Variants in AHI1 observed in about 807,000 individuals in gnomAD.
AHI1 encodes jouberin.
AHI1 carries 123 observed loss-of-function variants against 149.3 expected under a neutral mutation model. The ratio of observed to expected loss-of-function variants is 0.82; its 90% CI spans 0.71 to 0.96. The LOEUF is 0.96. Ranked by LOEUF, AHI1 falls within the 40% of genes least tolerant of loss-of-function variation. AHI1 has a pLI of 0.00. For missense variants in AHI1, 1,439 were observed against 1,422.7 expected (o/e 1.01, Z -0.18); for synonymous variants, 475 against 459.8 (o/e 1.03, Z -0.42).
chr6:135,372,447 T>C lies in AHI1; in HGVS notation c.3110-14260A>G, dbSNP rs191287525. On this transcript the variant is annotated intron_variant, in intron 23 of 28. Coordinates refer to ENST00000265602, the MANE Select transcript of AHI1 (RefSeq NM_001134831.2). ...AGCACTTGGGGAGGCTGAGGCAGAA[T>C]TGTTTAAGCCCGGGAGTCTGAGACT... is the stretch of plus-strand genomic sequence containing the variant. 9.1e-4 allele frequency among the ~76,000 whole-genome samples: 138 copies of C among 151,654 alleles called. 1 individual carries two copies. Among genetic ancestry groups the C allele is most frequent in the African/African-American group, 3.0e-3 (122 of 41,274 alleles).
At chr6:135,350,833 G>GAGAC (rs765372750) in intron 24 of AHI1, among the ~76,000 whole-genome samples, 10 of 152,156 alleles carry the variant, frequency 6.6e-5, no homozygotes, top group Admixed American at 1.3e-4. Flanking sequence ...TGATGCTGAA[G>GAGAC]AGACAGACAG....
chr6:135,481,465 A>G (rs759388885), intron 5 of AHI1, among the ~76,000 whole-genome samples: 3 of 152,110 alleles, frequency 2.0e-5, no homozygotes, highest in Non-Finnish European at 4.4e-5. Context: ...CGCTCAAATG[A>G]GCATTTCCTT....
At chr6:135,329,111 G>A (rs2128394831) in intron 24 of AHI1, among the ~76,000 whole-genome samples, 1 of 152,328 alleles carries the variant, frequency 6.6e-6, no homozygotes, top group South Asian at 2.1e-4. Flanking sequence ...AAAGTGCAAG[G>A]TGAAGCTGCA....
intron 22 of AHI1, among the ~76,000 whole-genome samples, chr6:135,403,307 CG>C (rs1780283878): frequency 6.6e-6 from 1 of 151,868 alleles, no homozygotes. Context: ...GTGGGCATTA[CG>C]GTATATAAAT....
Position 135,427,260 on chromosome 6 carries a change from G to A in AHI1, c.2671C>T (p.Arg891Ter), listed in dbSNP as rs1355690902. The A allele has an allele frequency of 1.2e-6, 2 of 1,610,298 alleles. No homozygotes were observed. Among genetic ancestry groups the A allele is most frequent in the Non-Finnish European group, 1.7e-6 (2 of 1,177,570 alleles). ...TCAAATGGATGATAAGAAATGTCTCGAATGGGTGACTTGAATGGCAAGTCA... is the reference window on the plus strand; with the variant it reads ...TCAAATGGATGATAAGAAATGTCTCAAATGGGTGACTTGAATGGCAAGTCA... Reference protein sequence around the residue: ...YSDLPFKSPIRDISYHPFENM... With the variant: ...YSDLPFKSPI The change falls in exon 20 of 29, where the codon CGA (arginine) becomes TGA (stop). Residue 891 changes from arginine (R) to a stop codon, truncating the protein, a stop_gained. Transcript: ENST00000265602. LOFTEE classifies it high-confidence loss of function.
intron 24 of AHI1, among the ~76,000 whole-genome samples, chr6:135,345,719 T>C (rs1455682924): frequency 6.6e-6 from 1 of 152,188 alleles, no homozygotes; most frequent in Non-Finnish European, 1.5e-5. Context: ...ACGAATGTTT[T>C]AAAATTAGAT....
intron 22 of AHI1, among the ~76,000 whole-genome samples, chr6:135,403,192 G>A (rs116233040): frequency 0.016 from 2,500 of 152,216 alleles, 64 homozygotes; most frequent in African/African-American, 0.057. Flanking sequence ...TAAGAGATAT[G>A]GGGCTTCATT....
At chr6:135,304,630 G>T (rs1366661276) in intron 26 of AHI1, among the ~76,000 whole-genome samples, 1 of 152,086 alleles carries the variant, frequency 6.6e-6, no homozygotes, top group East Asian at 1.9e-4. Context: ...AATTAGCCGG[G>T]TGTGGTGGCG....
chr6:135,366,861 G>A (rs1045764527), intron 23 of AHI1, among the ~76,000 whole-genome samples: 2 of 152,070 alleles, frequency 1.3e-5, no homozygotes, highest in Non-Finnish European at 2.9e-5. Context: ...GTTCCTTGAG[G>A]TGTGACCTTA....
intron 20 of AHI1, among the ~76,000 whole-genome samples, chr6:135,422,797 A>C (rs1783395673): frequency 6.6e-6 from 1 of 151,724 alleles, no homozygotes; most frequent in East Asian, 1.9e-4. Flanking sequence ...GCCACCCCCC[A>C]CATTTTTAAG....
intron 14 of AHI1, among the ~76,000 whole-genome samples, chr6:135,438,754 C>G (rs1359763704): frequency 2.0e-5 from 3 of 151,924 alleles, no homozygotes; most frequent in Non-Finnish European, 4.4e-5. Flanking sequence ...TTAAAGAAAT[C>G]CCCTAAGAAT....
At chr6:135,429,808 G>A (rs569531108) in intron 18 of AHI1, 74 bp downstream of exon 18, 23 of 948,852 alleles carry the variant, frequency 2.4e-5, no homozygotes, top group East Asian at 5.5e-5. Flanking sequence ...AACCACTACC[G>A]AATTTTATAA....
At chr6:135,285,728 G>C (rs1027715985) in intron 28 of AHI1, 81 bp from the exon 29 acceptor site, 1 of 1,180,216 alleles carries the variant, frequency 8.5e-7, no homozygotes, top group Non-Finnish European at 1.2e-6. Context: ...GTGTGCTCAG[G>C]CAACAGCACA....
intron 23 of AHI1, among the ~76,000 whole-genome samples, chr6:135,358,761 C>T (rs1293494208): frequency 6.6e-6 from 1 of 152,130 alleles, no homozygotes; most frequent in African/African-American, 2.4e-5. Flanking sequence ...ATTCTTTTAT[C>T]ATGTGTGGAT....
At chr6:135,434,423 T>TA in intron 15 of AHI1, among the ~76,000 whole-genome samples, 1 of 151,918 alleles carries the variant, frequency 6.6e-6, no homozygotes, top group African/African-American at 2.4e-5. Flanking sequence ...TGATGCCTAT[T>TA]AAAAGAAAAA....
At chr6:135,388,133 T>C in intron 23 of AHI1, 1 of 1,335,178 alleles carries the variant, frequency 7.5e-7, no homozygotes, top group South Asian at 1.3e-5. Context: ...CCTATAGAAA[T>C]CAGTTAATTT....
At chr6:135,376,694 C>T (rs1344095238) in intron 23 of AHI1, among the ~76,000 whole-genome samples, 3 of 151,566 alleles carry the variant, frequency 2.0e-5, no homozygotes, top group African/African-American at 7.3e-5. Flanking sequence ...CCAGCCTGAC[C>T]AACATGGTGA....
chr6:135,441,717 T>C (rs1786330611), intron 14 of AHI1, among the ~76,000 whole-genome samples: 1 of 152,188 alleles, frequency 6.6e-6, no homozygotes, highest in East Asian at 1.9e-4. Flanking sequence ...TTAGGAGCAT[T>C]TCCTAAGAAC....
chr6:135,420,315 G>C (rs1782968895), intron 20 of AHI1, among the ~76,000 whole-genome samples: 1 of 152,182 alleles, frequency 6.6e-6, no homozygotes, highest in Non-Finnish European at 1.5e-5. Flanking sequence ...ATCTATGTCA[G>C]CTATGGACTT....
Sources: allele counts gnomAD v4.1 joint callset (sites outside exome capture counted in the v4.1 genomes callset), GRCh38; gene constraint gnomAD v4.1.1; transcripts MANE v1.5; gene names NCBI Gene and HGNC (gene_info 2026-07-23, HGNC 2026-07-21).